Variants in TXNRD3 observed in about 807,000 individuals in gnomAD.
The protein encoded by TXNRD3 is TXNRD3 neighbor gene protein.
In TXNRD3, 68 loss-of-function variants were observed where a neutral mutation model predicts 78.2. That is an observed-to-expected ratio of 0.87 (90% CI 0.72 to 1.06). The LOEUF (loss-of-function observed/expected upper bound fraction) is 1.06, where lower values mean the gene tolerates loss of function less well. TXNRD3 is among the 50% of genes least tolerant of loss of function. TXNRD3 has a pLI of 0.00. For synonymous variants in TXNRD3, 296 were observed against 300.1 expected, an observed-to-expected ratio of 0.99 and a Z score of 0.14; for missense variants, 751 against 809.5, an observed-to-expected ratio of 0.93 and a Z score of 0.88.
chr3:126,613,053 C>T (rs899393884), intron 13 of TXNRD3, among the ~76,000 whole-genome samples: 1 of 152,168 alleles, frequency 6.6e-6, no homozygotes, highest in Non-Finnish European at 1.5e-5. Context: ...GGGCTCCCCT[C>T]ATTAAATTAC....
intron 6 of TXNRD3, among the ~76,000 whole-genome samples, chr3:126,634,537 T>C (rs73859556): frequency 1.3e-5 from 2 of 152,334 alleles, no homozygotes; most frequent in African/African-American, 2.4e-5. Context: ...TACATGTCTT[T>C]ACAACAAATA....
rs1486496838 is a variant in TXNRD3, at chr3:126,644,486, G to A, written c.415-85C>T. On this transcript the variant is annotated intron_variant, in intron 3 of 15. Coordinates refer to ENST00000524230, the MANE Select transcript of TXNRD3 (RefSeq NM_052883.3). ...GTACACCCTATGTTCAACTGGTATG[G>A]ATTTCTTTTATAAAAATCTTAGGAA... 3.6e-5 allele frequency: 31 copies of A among 866,768 alleles called. No homozygotes were observed. The East Asian group carries it at 8.3e-4, about 23-fold the overall frequency. 53.7% of individuals were successfully genotyped at this position (866,768 alleles called of 1,614,324 possible). A position where few individuals can be genotyped will look rare whatever the true frequency, so the allele number is the denominator to read the frequency against.
At chr3:126,631,274 C>T (rs1178929878) in intron 8 of TXNRD3, among the ~76,000 whole-genome samples, 1 of 151,598 alleles carries the variant, frequency 6.6e-6, no homozygotes, top group Non-Finnish European at 1.5e-5. Flanking sequence ...TGTTTGTTTA[C>T]CTGAACAAAA....
chr3:126,642,665 T>C (rs140070022), intron 5 of TXNRD3, among the ~76,000 whole-genome samples: 92 of 152,298 alleles, frequency 6.0e-4, no homozygotes, highest in African/African-American at 2.0e-3. Context: ...AGTAGGATTA[T>C]TTCTGGACAA....
Position 126,642,064 on chromosome 3 carries a change from G to A in TXNRD3, c.680C>T (p.Ser227Leu). 5 of 1,535,372 alleles carry A rather than the reference G, an allele frequency of 3.3e-6. No individual in the cohort carries two copies. Among genetic ancestry groups the A allele is most frequent in the Non-Finnish European group, 3.5e-6 (4 of 1,146,594 alleles). Residue 227 changes from serine (S) to leucine (L), a missense_variant, in exon 6 of 16, where the codon TCA (serine) becomes TTA (leucine). Coordinates refer to ENST00000524230, the MANE Select transcript of TXNRD3 (RefSeq NM_052883.3). ...ATTATATTCCCAGCCAAATTTCCTT[G>A]AGTCACATAATGCCTGCCCCAAAAG...
At chr3:126,619,866 A>C (rs1189342019) in intron 12 of TXNRD3, among the ~76,000 whole-genome samples, 1 of 152,210 alleles carries the variant, frequency 6.6e-6, no homozygotes, top group Non-Finnish European at 1.5e-5. Context: ...CTAAAAATAA[A>C]AGGAAAAAAG....
At chr3:126,649,366 G>T (rs1374970204) in intron 1 of TXNRD3, among the ~76,000 whole-genome samples, 1 of 152,308 alleles carries the variant, frequency 6.6e-6, no homozygotes, top group East Asian at 1.9e-4. Context: ...AGGATGCAGA[G>T]AAACTGAGAC....
Position 126,622,408 on chromosome 3 carries a change from T to C in TXNRD3, c.1367+56A>G, listed in dbSNP as rs750247198. 9.2e-5 allele frequency: 114 copies of C among 1,240,756 alleles called. No individual in the cohort carries two copies. The Admixed American group carries it at 1.2e-3, about 14-fold the overall frequency. 76.9% of individuals were successfully genotyped at this position (1,240,756 alleles called of 1,614,324 possible). The stretch of plus-strand genomic sequence containing the variant: ...TTAAATGAGAATTTCTTAGAGGTGA[T>C]CTGCAGAAACCTGTTGCTTTGTGCA... On this transcript the variant is annotated intron_variant, in intron 11 of 15. Transcript: ENST00000524230.
At position 126,629,491 on chromosome 3, in the gene TXNRD3, T is replaced by C; in HGVS notation, c.1198-20A>G. ...TTGAACCTAGTAAGAATGAAGAGTGTAATGATGTTATCTAAATATGATAAA... is the reference window on the plus strand; with the variant it reads ...TTGAACCTAGTAAGAATGAAGAGTGCAATGATGTTATCTAAATATGATAAA... On this transcript the variant is annotated intron_variant, in intron 9 of 15. Transcript: ENST00000524230. 6.7e-7 allele frequency: 1 copy of C among 1,498,754 alleles called. No individual in the cohort carries two copies. The highest frequency in any genetic ancestry group is 1.2e-5 in the South Asian group (1 of 82,810). 92.8% of individuals were successfully genotyped at this position (1,498,754 alleles called of 1,614,324 possible).
At chr3:126,608,853 T>A (rs574819399) in intron 14 of TXNRD3, among the ~76,000 whole-genome samples, 3 of 152,192 alleles carry the variant, frequency 2.0e-5, no homozygotes, top group South Asian at 2.1e-4. Flanking sequence ...CACTCAAATT[T>A]ACTAGAACAA....
At chr3:126,637,947 T>C (rs1489451998) in intron 6 of TXNRD3, among the ~76,000 whole-genome samples, 1 of 124,570 alleles carries the variant, frequency 8.0e-6, no homozygotes, top group Non-Finnish European at 1.7e-5. Flanking sequence ...TTTTTTTTTT[T>C]TTTTTTTTTT....
Position 126,646,207 on chromosome 3 carries a change from C to A in TXNRD3, c.318G>T (p.Arg106Ser). Reference sequence around the variant, plus strand: ...TGATTTCTGACAGCACTTCTTGAACCCTGGCCCCATCATCTAAAGAAGAAA... The same window carrying A: ...TGATTTCTGACAGCACTTCTTGAACACTGGCCCCATCATCTAAAGAAGAAA... The change falls in exon 3 of 16, where the codon AGG becomes AGT. Residue 106 changes from arginine (R) to serine (S), a missense_variant. Coordinates refer to ENST00000524230, the MANE Select transcript of TXNRD3 (RefSeq NM_052883.3). The A allele has an allele frequency of 6.6e-7, 1 of 1,517,530 alleles. No individual in the cohort carries two copies. Among genetic ancestry groups the A allele is most frequent in the Non-Finnish European group, 8.8e-7 (1 of 1,142,354 alleles). The allele number at this position is 1,517,530 out of a possible 1,614,324, so 94.0% of individuals were successfully genotyped here. A position where few individuals can be genotyped will look rare whatever the true frequency, so the allele number is the denominator to read the frequency against.
chr3:126,639,286 C>T (rs939833990), intron 6 of TXNRD3, among the ~76,000 whole-genome samples: 1 of 152,170 alleles, frequency 6.6e-6, no homozygotes, highest in Non-Finnish European at 1.5e-5. Flanking sequence ...CCAATCATGC[C>T]CTTAAAAAAG....
intron 13 of TXNRD3, 43 bp downstream of exon 13, chr3:126,615,312 T>C: frequency 1.0e-6 from 1 of 997,590 alleles, no homozygotes; most frequent in Non-Finnish European, 1.4e-6. Flanking sequence ...AAATTGTTGA[T>C]TAAAAGAGAA....
At chr3:126,638,798 A>G (rs1444915922) in intron 6 of TXNRD3, among the ~76,000 whole-genome samples, 1 of 152,194 alleles carries the variant, frequency 6.6e-6, no homozygotes, top group Non-Finnish European at 1.5e-5. Flanking sequence ...TAATTATAAG[A>G]TTTTACCCAT....
chr3:126,633,674 C>T (rs1379113903), intron 7 of TXNRD3, among the ~76,000 whole-genome samples: 1 of 152,086 alleles, frequency 6.6e-6, no homozygotes, highest in Non-Finnish European at 1.5e-5. Flanking sequence ...GCAATAAAAT[C>T]AAAGACAAAT....
chr3:126,619,202 C>T (rs567942566), intron 12 of TXNRD3, among the ~76,000 whole-genome samples: 49 of 152,122 alleles, frequency 3.2e-4, no homozygotes, highest in African/African-American at 1.2e-3. Context: ...TCCAGCAATC[C>T]CAGTACTAAT....
intron 1 of TXNRD3, among the ~76,000 whole-genome samples, chr3:126,650,264 CA>C (rs1166596783): frequency 6.6e-6 from 1 of 152,222 alleles, no homozygotes; most frequent in African/African-American, 2.4e-5. Context: ...GGCTAGATTT[CA>C]AATCACAGGT....
At chr3:126,615,266 T>A in intron 13 of TXNRD3, 89 bp downstream of exon 13, 1 of 583,976 alleles carries the variant, frequency 1.7e-6, no homozygotes, top group Non-Finnish European at 2.8e-6. Flanking sequence ...TCATAGTAAC[T>A]TGCAAAATGA....
Sources: gnomAD v4.1 joint callset for allele counts (sites outside exome capture counted in the v4.1 genomes callset) on GRCh38, gnomAD v4.1.1 for gene constraint, MANE v1.5 for transcripts, NCBI Gene and HGNC (gene_info 2026-07-23, HGNC 2026-07-21) for gene names.